The following FSTL5 variants were observed in gnomAD, a reference collection of about 807,000 sequenced individuals.
FSTL5 encodes the protein follistatin-related protein 5.
A neutral mutation model predicts 89.1 loss-of-function variants in FSTL5; 62 were observed. The ratio of observed to expected loss-of-function variants is 0.70; its 90% CI spans 0.57 to 0.86. The LOEUF is 0.86. Ranked by LOEUF, FSTL5 falls within the 40% of genes least tolerant of loss-of-function variation. FSTL5 has a pLI of 0.00. For synonymous variants in FSTL5, 383 were observed against 346.2 expected (o/e 1.11, Z -1.18); for missense variants, 1,057 against 1,001.6 (o/e 1.06, Z -0.75).
chr4:161,668,003 GC>G (rs1446995371), intron 6 of FSTL5, among the ~76,000 whole-genome samples: 3 of 151,964 alleles, frequency 2.0e-5, no homozygotes, highest in Admixed American at 2.0e-4. Flanking sequence ...TCCAAAGTAT[GC>G]AGGGTAAAAG....
At chr4:162,152,738 T>C (rs1733277576) in intron 1 of FSTL5, among the ~76,000 whole-genome samples, 1 of 151,988 alleles carries the variant, frequency 6.6e-6, no homozygotes, top group Non-Finnish European at 1.5e-5. Context: ...AAATTTTCTA[T>C]GAAAAAATGT....
chr4:161,713,537 C>T (rs956754788), intron 6 of FSTL5, among the ~76,000 whole-genome samples: 5 of 152,152 alleles, frequency 3.3e-5, no homozygotes, highest in Non-Finnish European at 7.3e-5. Flanking sequence ...TCACAGAACA[C>T]ACTTTAACTG....
chr4:161,627,405 C>A (rs1037145387), intron 7 of FSTL5, among the ~76,000 whole-genome samples: 1 of 152,080 alleles, frequency 6.6e-6, no homozygotes, highest in Non-Finnish European at 1.5e-5. Flanking sequence ...ATAATGCCAT[C>A]GTACTTAATA....
At chr4:161,694,983 GA>G (rs201292482) in intron 6 of FSTL5, among the ~76,000 whole-genome samples, 1 of 150,294 alleles carries the variant, frequency 6.7e-6, no homozygotes, top group Non-Finnish European at 1.5e-5. Context: ...TTAAAAAATA[GA>G]AAAAAAATGT....
At chr4:161,728,745 C>G (rs1233245781) in intron 6 of FSTL5, among the ~76,000 whole-genome samples, 1 of 152,050 alleles carries the variant, frequency 6.6e-6, no homozygotes, top group East Asian at 1.9e-4. Context: ...GTAATAAAGA[C>G]TTGGAGAACC....
chr4:161,684,871 A>G (rs1002874465), intron 6 of FSTL5, among the ~76,000 whole-genome samples: 12 of 152,062 alleles, frequency 7.9e-5, no homozygotes, highest in Middle Eastern at 3.2e-3. Flanking sequence ...TATCTTGTAG[A>G]ATTTTTATAG....
chr4:161,803,795 T>C (rs781112672), intron 4 of FSTL5, among the ~76,000 whole-genome samples: 1 of 152,062 alleles, frequency 6.6e-6, no homozygotes, highest in African/African-American at 2.4e-5. Context: ...ACAACTCAAC[T>C]GTATTATCTG....
At chr4:161,698,249 C>T (rs1277968191) in intron 6 of FSTL5, among the ~76,000 whole-genome samples, 2 of 152,132 alleles carry the variant, frequency 1.3e-5, no homozygotes, top group African/African-American at 4.8e-5. Flanking sequence ...GGACTTCTAT[C>T]CTCCAGAAAT....
chr4:161,669,886 T>A (rs1737036474), intron 6 of FSTL5, among the ~76,000 whole-genome samples: 1 of 152,114 alleles, frequency 6.6e-6, no homozygotes, highest in Non-Finnish European at 1.5e-5. Context: ...AAATTAAGTG[T>A]CCTTAAGGCT....
intron 3 of FSTL5, among the ~76,000 whole-genome samples, chr4:161,996,481 G>T (rs530129787): frequency 6.6e-6 from 1 of 152,228 alleles, no homozygotes; most frequent in South Asian, 2.1e-4. Flanking sequence ...CATTGTCATT[G>T]CTATAATTTT....
Position 161,530,449 on chromosome 4 carries a change from ATG to A in FSTL5, c.1312+7715_1312+7716del, listed in dbSNP as rs759987341. The stretch of plus-strand genomic sequence containing the variant: ...ATCTTGTAGACTTTAGCCATTTGAA[ATG>A]TGTTTTTTAAAAAATCTTCAAGTTG... On this transcript the variant is annotated intron_variant, in intron 10 of 15. Transcript: ENST00000306100. Among the ~76,000 whole-genome samples, 10 of 107,764 alleles carry A rather than the reference ATG, an allele frequency of 9.3e-5. 1 individual carries two copies. Among genetic ancestry groups the A allele is most frequent in the Non-Finnish European group, 1.8e-4 (9 of 48,738 alleles). 70.7% of individuals were successfully genotyped at this position (107,764 alleles called of 152,430 possible).
At chr4:161,495,812 A>C (rs1295150944) in intron 12 of FSTL5, among the ~76,000 whole-genome samples, 1 of 152,094 alleles carries the variant, frequency 6.6e-6, no homozygotes, top group Non-Finnish European at 1.5e-5. Flanking sequence ...ATCCCTTTTC[A>C]TGGGAAAAAT....
chr4:161,507,355 T>C (rs1454261029), intron 11 of FSTL5, among the ~76,000 whole-genome samples: 1 of 151,720 alleles, frequency 6.6e-6, no homozygotes, highest in Non-Finnish European at 1.5e-5. Context: ...TGAAAACAAA[T>C]CATACTGAAT....
chr4:161,769,794 T>G, intron 5 of FSTL5, among the ~76,000 whole-genome samples: 1 of 151,844 alleles, frequency 6.6e-6, no homozygotes, highest in Non-Finnish European at 1.5e-5. Flanking sequence ...TCAAAATAGT[T>G]CTGGAAGTCC....
chr4:161,786,794 A>G (rs1382153844), intron 4 of FSTL5, among the ~76,000 whole-genome samples: 1 of 152,104 alleles, frequency 6.6e-6, no homozygotes, highest in Non-Finnish European at 1.5e-5. Context: ...AACACCTCCT[A>G]TACAAATACT....
chr4:162,078,853 A>T (rs935672274), intron 2 of FSTL5, among the ~76,000 whole-genome samples: 11 of 151,804 alleles, frequency 7.2e-5, no homozygotes, highest in East Asian at 1.9e-4. Context: ...GTATTTTTAC[A>T]TGTGTTAGTA....
At chr4:161,823,216 G>A (rs1390782516) in intron 4 of FSTL5, among the ~76,000 whole-genome samples, 1 of 152,076 alleles carries the variant, frequency 6.6e-6, no homozygotes, top group Non-Finnish European at 1.5e-5. Context: ...TCCCTCGCTT[G>A]AAGGTCCTGT....
chr4:161,384,591 A>G lies in FSTL5; in HGVS notation c.*1156T>C, dbSNP rs1354076340. 6.6e-6 allele frequency: 1 copy of G among 152,160 alleles called. No individual in the cohort carries two copies. The highest frequency in any genetic ancestry group is 6.5e-5 in the Admixed American group (1 of 15,270). 9.4% of individuals were successfully genotyped at this position (152,160 alleles called of 1,614,324 possible). A position where few individuals can be genotyped will look rare whatever the true frequency, so the allele number is the denominator to read the frequency against. Reference sequence around the variant, plus strand: ...TTAGGATTACAAGAAGATGGATAAAAGGAATCATTTGTGGAAATTTTAGAA... The same window carrying G: ...TTAGGATTACAAGAAGATGGATAAAGGGAATCATTTGTGGAAATTTTAGAA... On this transcript the variant is annotated 3_prime_UTR_variant, in exon 16 of 16. Transcript: ENST00000306100.
intron 15 of FSTL5, among the ~76,000 whole-genome samples, 186 bp downstream of exon 15, chr4:161,454,818 T>C (rs989605547): frequency 6.6e-6 from 1 of 152,170 alleles, no homozygotes; most frequent in African/African-American, 2.4e-5. Context: ...AAGAGAAACA[T>C]TTTATGGGAA....
Sources: allele counts gnomAD v4.1 joint callset (sites outside exome capture counted in the v4.1 genomes callset), GRCh38; gene constraint gnomAD v4.1.1; transcripts MANE v1.5; gene names NCBI Gene and HGNC (gene_info 2026-07-23, HGNC 2026-07-21).